SMYD3: variants seen among roughly 807,000 people sequenced by gnomAD.
The protein encoded by SMYD3 is histone-lysine N-methyltransferase SMYD3.
A neutral mutation model predicts 57.7 loss-of-function variants in SMYD3; 36 were observed. The observed-to-expected ratio is 0.62, with a 90% CI of 0.48 to 0.82. SMYD3 has a LOEUF of 0.82. SMYD3 is among the 40% of genes least tolerant of loss of function. The pLI is 0.00. For synonymous variants in SMYD3, 211 were observed against 195.0 expected, an observed-to-expected ratio of 1.08 and a Z score of -0.68; for missense variants, 515 against 538.8, an observed-to-expected ratio of 0.96 and a Z score of 0.44.
At chr1:246,385,275 G>C (rs968926905) in intron 1 of SMYD3, among the ~76,000 whole-genome samples, 2 of 146,520 alleles carry the variant, frequency 1.4e-5, no homozygotes, top group Middle Eastern at 3.4e-3. Context: ...AACTACATGC[G>C]AATTTTAAGT....
intron 10 of SMYD3, among the ~76,000 whole-genome samples, chr1:245,842,916 C>A (rs1049678010): frequency 3.3e-5 from 5 of 152,246 alleles, no homozygotes; most frequent in African/African-American, 1.2e-4. Flanking sequence ...TCCTATGTTA[C>A]CCCAGGTTGA....
chr1:245,950,500 CCT>C (rs1397280435), intron 5 of SMYD3, among the ~76,000 whole-genome samples: 10 of 152,208 alleles, frequency 6.6e-5, no homozygotes, highest in Admixed American at 3.9e-4. Flanking sequence ...CTGACCACCC[CCT>C]GTTCTTGGAG....
intron 5 of SMYD3, among the ~76,000 whole-genome samples, chr1:245,932,293 C>A (rs1003117749): frequency 6.6e-6 from 1 of 152,064 alleles, no homozygotes; most frequent in Admixed American, 6.5e-5. Flanking sequence ...CGGTTTATTT[C>A]ATGGATTCTG....
rs139480249 is a variant in SMYD3, at chr1:246,187,543, C to G, written c.531+139658G>C. On this transcript the variant is annotated intron_variant, in intron 5 of 11. Coordinates refer to ENST00000490107, the MANE Select transcript of SMYD3 (RefSeq NM_001167740.2). ...GCAGAAAACACAGTGGTAAAGCAAG[C>G]TGCTGAGGGATTTTTCAATAGCTCC... is the stretch of plus-strand genomic sequence containing the variant. 3.0e-3 allele frequency among the ~76,000 whole-genome samples: 459 copies of G among 152,250 alleles called. 1 individual carries two copies. The highest frequency in any genetic ancestry group is 5.3e-3 in the Non-Finnish European group (362 of 68,008).
chr1:245,985,499 G>A (rs2058686575), intron 5 of SMYD3, among the ~76,000 whole-genome samples: 1 of 152,014 alleles, frequency 6.6e-6, no homozygotes, highest in South Asian at 2.1e-4. Context: ...CCACCTTTAT[G>A]TCCTTAAGGA....
chr1:245,855,536 C>A (rs894711767), intron 10 of SMYD3, among the ~76,000 whole-genome samples: 6 of 152,162 alleles, frequency 3.9e-5, no homozygotes, highest in Non-Finnish European at 7.3e-5. Context: ...ATTCTACTTC[C>A]TGTTTACAAT....
At chr1:246,221,270 G>A (rs1268810512) in intron 5 of SMYD3, among the ~76,000 whole-genome samples, 3 of 152,170 alleles carry the variant, frequency 2.0e-5, no homozygotes, top group Non-Finnish European at 4.4e-5. Context: ...CCTGCCCACT[G>A]TGGGTTTTCT....
chr1:246,187,128 C>A, intron 5 of SMYD3, among the ~76,000 whole-genome samples: 1 of 152,160 alleles, frequency 6.6e-6, no homozygotes, highest in Non-Finnish European at 1.5e-5. Context: ...GTGGCTCATG[C>A]CTGTAATCCC....
At chr1:245,834,733 G>A (rs1379118717) in intron 10 of SMYD3, among the ~76,000 whole-genome samples, 1 of 152,184 alleles carries the variant, frequency 6.6e-6, no homozygotes, top group East Asian at 1.9e-4. Context: ...CCCGTACATG[G>A]GAGGCCAGAA....
At chr1:245,872,554 C>T (rs2052265310) in intron 8 of SMYD3, among the ~76,000 whole-genome samples, 1 of 152,250 alleles carries the variant, frequency 6.6e-6, no homozygotes, top group Non-Finnish European at 1.5e-5. Context: ...AACTGAGGAG[C>T]ACTTGGGCAA....
At position 246,137,896 on chromosome 1, in the gene SMYD3, C is replaced by T. The variant is rs148631907; in HGVS notation, c.531+189305G>A. ...TGGCTCTTTGGTATTTGGGAGCACA[C>T]ATTTAAAAAAAAAGGAAATCTCCAA... On this transcript the variant is annotated intron_variant, in intron 5 of 11. Coordinates refer to ENST00000490107, the MANE Select transcript of SMYD3 (RefSeq NM_001167740.2). 1.6e-3 allele frequency among the ~76,000 whole-genome samples: 246 copies of T among 151,972 alleles called. 2 individuals are homozygous for T. The highest frequency in any genetic ancestry group is 5.6e-3 in the African/African-American group (234 of 41,430).
At chr1:246,476,369 G>A (rs904515646) in intron 1 of SMYD3, among the ~76,000 whole-genome samples, 1 of 152,092 alleles carries the variant, frequency 6.6e-6, no homozygotes, top group Admixed American at 6.6e-5. Flanking sequence ...TATGCCTCTC[G>A]GGCTTTAATA....
At chr1:245,770,858 TAAC>T (rs2046304335) in intron 10 of SMYD3, among the ~76,000 whole-genome samples, 1 of 152,116 alleles carries the variant, frequency 6.6e-6, no homozygotes, top group Non-Finnish European at 1.5e-5. Flanking sequence ...ATTAAGAACT[TAAC>T]AGTCTAACAT....
At chr1:245,849,281 C>T (rs2050828980) in intron 10 of SMYD3, among the ~76,000 whole-genome samples, 1 of 152,110 alleles carries the variant, frequency 6.6e-6, no homozygotes, top group Non-Finnish European at 1.5e-5. Flanking sequence ...TGACTGGGAG[C>T]TTGAGTGTTA....
chr1:246,078,416 T>C (rs925071710), intron 5 of SMYD3, among the ~76,000 whole-genome samples: 1 of 152,200 alleles, frequency 6.6e-6, no homozygotes, highest in African/African-American at 2.4e-5. Context: ...GGAAGGCTTC[T>C]TCTGTTTTAA....
At chr1:246,419,189 G>A (rs560064857) in intron 1 of SMYD3, among the ~76,000 whole-genome samples, 17 of 152,282 alleles carry the variant, frequency 1.1e-4, no homozygotes, top group Admixed American at 6.5e-4. Flanking sequence ...CTATAGATAA[G>A]TTCTTATAGG....
intron 1 of SMYD3, among the ~76,000 whole-genome samples, chr1:246,453,988 A>C (rs2067666627): frequency 6.6e-6 from 1 of 152,214 alleles, no homozygotes; most frequent in South Asian, 2.1e-4. Context: ...TTTAAGGCCT[A>C]AGGTTGGCAG....
At chr1:245,935,695 T>C (rs188471123) in intron 5 of SMYD3, among the ~76,000 whole-genome samples, 3 of 152,310 alleles carry the variant, frequency 2.0e-5, no homozygotes, top group East Asian at 1.9e-4. Context: ...TGGAGTAATA[T>C]TCAGCCCTTA....
intron 8 of SMYD3, among the ~76,000 whole-genome samples, chr1:245,864,856 TAAGTATA>T (rs772875651): frequency 2.2e-4 from 34 of 152,280 alleles, no homozygotes; most frequent in Non-Finnish European, 4.3e-4. Context: ...AAAACCTTAT[TAAGTATA>T]AAGTACAACT....
Sources: allele counts gnomAD v4.1 joint callset (sites outside exome capture counted in the v4.1 genomes callset), GRCh38; gene constraint gnomAD v4.1.1; transcripts MANE v1.5; gene names NCBI Gene and HGNC (gene_info 2026-07-23, HGNC 2026-07-21).